FBXO25: variants seen among roughly 807,000 people sequenced by gnomAD.
FBXO25 encodes the protein F-box only protein 25.
In FBXO25, 45 loss-of-function variants were observed where a neutral mutation model predicts 51.9. That is an observed-to-expected ratio of 0.87 (90% CI 0.68 to 1.11). The LOEUF is 1.11. Ranked by LOEUF, FBXO25 falls within the 50% of genes most tolerant of loss-of-function variation. FBXO25 has a pLI of 0.00. For missense variants in FBXO25, 507 were observed against 428.5 expected (o/e 1.18, Z -1.62); for synonymous variants, 199 against 151.0 (o/e 1.32, Z -2.33).
intron 9 of FBXO25, among the ~76,000 whole-genome samples, chr8:465,105 G>A (rs1283119321): frequency 6.6e-6 from 1 of 152,162 alleles, no homozygotes; most frequent in African/African-American, 2.4e-5. Context: ...GAAGCCACAG[G>A]CAGATGCTTG....
chr8:462,579 C>T (rs774161241), intron 8 of FBXO25, among the ~76,000 whole-genome samples: 38 of 152,300 alleles, frequency 2.5e-4, no homozygotes, highest in South Asian at 2.1e-4. Context: ...TTATGTACTA[C>T]ACTGCCTTTG....
In FBXO25 at chr8:470,455, AAGTGATCCTCCCACCTCACCCTCC is replaced by A. The variant is rs201002529; in HGVS notation, c.*1670_*1693del. ...ACTGCAACCTCTGTCCCCCAGGCTC[AAGTGATCCTCCCACCTCACCCTCC>A]AGTGATCCTCCCACCTCAGCCTCCC... On this transcript the variant is annotated 3_prime_UTR_variant, in exon 10 of 10. Coordinates refer to ENST00000350302, the MANE Select transcript of FBXO25 (RefSeq NM_183420.2). 15,969 of 152,100 alleles carry A rather than the reference AAGTGATCCTCCCACCTCACCCTCC, an allele frequency of 0.1. 925 individuals carry two copies. The highest frequency in any genetic ancestry group is 0.18 in the South Asian group (851 of 4,768). 9.4% of individuals were successfully genotyped at this position (152,100 alleles called of 1,614,324 possible). A position where few individuals can be genotyped will look rare whatever the true frequency, so the allele number is the denominator to read the frequency against.
chr8:456,860 C>T (rs958992153), intron 7 of FBXO25, among the ~76,000 whole-genome samples: 15 of 152,208 alleles, frequency 9.9e-5, no homozygotes, highest in South Asian at 2.1e-4. Flanking sequence ...GCTTCCATAG[C>T]GAGGACATTA....
chr8:412,999 T>G lies in FBXO25; in HGVS notation c.-7-74T>G, dbSNP rs561727286. The G allele has an allele frequency of 7.1e-4, 741 of 1,038,800 alleles. 8 individuals are homozygous for G. The African/African-American group carries it at 8.8e-3, about 12-fold the overall frequency. The allele number at this position is 1,038,800 out of a possible 1,614,324, so 64.3% of individuals were successfully genotyped here. ...TGTTAAGAACTTTAATCTTTAAAAT[T>G]AATAAATGTTCTAAGTGAAAAGAAA... On this transcript the variant is annotated intron_variant, in intron 1 of 9. Transcript: ENST00000350302.
At position 464,250 on chromosome 8, in the gene FBXO25, C is replaced by T. The variant is rs138260998; in HGVS notation, c.987+1100C>T. On this transcript the variant is annotated intron_variant, in intron 9 of 9. Coordinates refer to ENST00000350302, the MANE Select transcript of FBXO25 (RefSeq NM_183420.2). ...GGATTACAGGCGTGAGCCATGGCAC[C>T]CGGCAATTATCCACTTTTTTCTTAA... Among the ~76,000 whole-genome samples, 7 of 152,284 alleles carry T rather than the reference C, an allele frequency of 4.6e-5. No homozygotes were observed. The East Asian group carries it at 1.3e-3, about 29-fold the overall frequency.
chr8:462,379 TAA>T (rs1799871311), intron 8 of FBXO25, among the ~76,000 whole-genome samples: 1 of 152,142 alleles, frequency 6.6e-6, no homozygotes, highest in African/African-American at 2.4e-5. Context: ...ATTCTAGATA[TAA>T]GTCTGTTATC....
chr8:416,211 G>C (rs1267907315), intron 2 of FBXO25, among the ~76,000 whole-genome samples: 4 of 152,168 alleles, frequency 2.6e-5, no homozygotes, highest in Non-Finnish European at 5.9e-5. Context: ...TGCTTGGTTG[G>C]CCTGCTCTAC....
rs1799921569 is a variant in FBXO25, at chr8:463,052, A to C, written c.889A>C (p.Lys297Gln). ...ILSEKGHIEW[K>Q]LMYFALQKHY... ...TTCAGAAAAAGGTCATATTGAATGG[A>C]AGTTGATGTACTTTGCACTTCAGAA... Residue 297 changes from lysine to glutamine, a missense_variant, in exon 9 of 10, where the codon AAG becomes CAG. Lys to Gln is a moderately conservative substitution (Grantham distance 53, BLOSUM62 1). Transcript: ENST00000350302. 1 of 1,613,380 alleles carries C rather than the reference A, an allele frequency of 6.2e-7. No individual in the cohort carries two copies. Among genetic ancestry groups the C allele is most frequent in the Non-Finnish European group, 8.5e-7 (1 of 1,179,904 alleles).
At chr8:455,109 G>A (rs1799343482) in intron 7 of FBXO25, among the ~76,000 whole-genome samples, 2 of 152,082 alleles carry the variant, frequency 1.3e-5, no homozygotes, top group Admixed American at 1.3e-4. Context: ...GAAGGTATGG[G>A]AACTTCCGCA....
At chr8:462,909 G>T (rs555515115) in intron 8 of FBXO25, 98 bp from the exon 9 acceptor site, 2 of 1,395,042 alleles carry the variant, frequency 1.4e-6, no homozygotes, top group African/African-American at 2.9e-5. Context: ...TTTAAAAAAA[G>T]AAATTAAAAA....
At chr8:445,757 G>T (rs1291259691) in intron 5 of FBXO25, among the ~76,000 whole-genome samples, 1 of 152,212 alleles carries the variant, frequency 6.6e-6, no homozygotes, top group East Asian at 1.9e-4. Context: ...TATAATGCCA[G>T]CTACTGGGGA....
intron 9 of FBXO25, among the ~76,000 whole-genome samples, chr8:464,567 T>A (rs891116977): frequency 2.0e-5 from 3 of 152,212 alleles, no homozygotes; most frequent in Non-Finnish European, 4.4e-5. Flanking sequence ...CTTTTGTGAT[T>A]ACTTTTTTTG....
Position 468,834 on chromosome 8 carries a change from T to C in FBXO25, c.*30T>C. Reference sequence around the variant, plus strand: ...TGCCCCTGCCATCCCTATTGGAGATTGTGAATCCTGCTGTCTGTGCAGGGC... The same window carrying C: ...TGCCCCTGCCATCCCTATTGGAGATCGTGAATCCTGCTGTCTGTGCAGGGC... On this transcript the variant is annotated 3_prime_UTR_variant, in exon 10 of 10. Transcript: ENST00000350302. 1.9e-6 allele frequency: 3 copies of C among 1,604,410 alleles called. No homozygotes were observed. Among genetic ancestry groups the C allele is most frequent in the Non-Finnish European group, 2.6e-6 (3 of 1,172,992 alleles).
intron 1 of FBXO25, among the ~76,000 whole-genome samples, chr8:409,238 T>C (rs921771654): frequency 3.3e-5 from 5 of 152,222 alleles, no homozygotes; most frequent in Admixed American, 2.0e-4. Flanking sequence ...ATGAGCTGTA[T>C]AGATTATGCT....
intron 3 of FBXO25, among the ~76,000 whole-genome samples, chr8:432,684 A>G (rs1283877215): frequency 6.6e-6 from 1 of 152,200 alleles, no homozygotes; most frequent in Non-Finnish European, 1.5e-5. Flanking sequence ...AGGACTTGGT[A>G]CTGTCTGAAA....
intron 2 of FBXO25, among the ~76,000 whole-genome samples, chr8:419,494 G>C (rs1021616659): frequency 9.9e-5 from 15 of 152,224 alleles, no homozygotes; most frequent in African/African-American, 3.6e-4. Context: ...CCCCAGATAA[G>C]TCCATACAGA....
chr8:408,433 G>T (rs1796295532), intron 1 of FBXO25, among the ~76,000 whole-genome samples: 3 of 152,176 alleles, frequency 2.0e-5, no homozygotes, highest in Admixed American at 1.3e-4. Flanking sequence ...ATCCTGGAGT[G>T]AGACTCCATC....
intron 7 of FBXO25, among the ~76,000 whole-genome samples, chr8:457,179 C>G (rs1213869500): frequency 6.6e-6 from 1 of 152,196 alleles, no homozygotes; most frequent in African/African-American, 2.4e-5. Context: ...AGACTGGGGT[C>G]AGGAGCTGAG....
intron 2 of FBXO25, among the ~76,000 whole-genome samples, chr8:418,048 T>A (rs13253817): frequency 0.18 from 27,068 of 152,062 alleles, 2,464 homozygotes; most frequent in South Asian, 0.23. Context: ...TTCACCCAAG[T>A]TGTGTGTGTG....
Sources: allele counts gnomAD v4.1 joint callset (sites outside exome capture counted in the v4.1 genomes callset), GRCh38; gene constraint gnomAD v4.1.1; transcripts MANE v1.5; gene names NCBI Gene and HGNC (gene_info 2026-07-23, HGNC 2026-07-21).